Variants in FBXO31 observed in about 807,000 individuals in gnomAD.
The protein encoded by FBXO31 is F-box only protein 31.
FBXO31 carries 24 observed loss-of-function variants against 54.4 expected under a neutral mutation model. The observed-to-expected ratio is 0.44, with a 90% confidence interval of 0.32 to 0.62. The LOEUF (loss-of-function observed/expected upper bound fraction) is 0.62, where lower values mean the gene tolerates loss of function less well. Among genes scored for constraint, FBXO31 ranks in the 20% least tolerant of loss-of-function variants. The pLI is 0.05. For synonymous variants in FBXO31, 388 were observed against 335.6 expected, an observed-to-expected ratio of 1.16 and a Z score of -1.71; for missense variants, 665 against 787.1, an observed-to-expected ratio of 0.84 and a Z score of 1.86.
chr16:87,368,539 C>T (rs1257331935), intron 1 of FBXO31, among the ~76,000 whole-genome samples: 2 of 152,174 alleles, frequency 1.3e-5, no homozygotes, highest in Non-Finnish European at 2.9e-5. Flanking sequence ...CCTGTGCTGC[C>T]TACCCGCTTC....
Position 87,335,201 on chromosome 16 carries a change from G to A in FBXO31, c.996+103C>T, listed in dbSNP as rs1009229731. ...TGCAGGTGCAAGCCCACTCTGAGGA[G>A]CAAGGGTGCCGGGGATCAGTGTCTG... is the stretch of plus-strand genomic sequence containing the variant. On this transcript the variant is annotated intron_variant, in intron 7 of 8. Coordinates refer to ENST00000311635, the MANE Select transcript of FBXO31 (RefSeq NM_024735.5). The surrounding 1 kb of genome is among the most constrained non-coding windows in gnomAD (Gnocchi z 5.7). The A allele has an allele frequency of 3.3e-6, 5 of 1,534,422 alleles. No homozygotes were observed. Among genetic ancestry groups the A allele is most frequent in the Non-Finnish European group, 4.4e-6 (5 of 1,124,752 alleles).
At chr16:87,356,153 C>T (rs1905880891) in intron 2 of FBXO31, among the ~76,000 whole-genome samples, 1 of 150,478 alleles carries the variant, frequency 6.6e-6, no homozygotes. Flanking sequence ...TGCTTGAACC[C>T]GGGAGGCAGA....
At chr16:87,353,819 C>G (rs1293951529) in intron 2 of FBXO31, among the ~76,000 whole-genome samples, 1 of 152,262 alleles carries the variant, frequency 6.6e-6, no homozygotes, top group Non-Finnish European at 1.5e-5. Context: ...CCCCGGACAC[C>G]TTGTCTTGAA....
At chr16:87,364,033 G>C (rs977953392) in intron 1 of FBXO31, among the ~76,000 whole-genome samples, 1 of 152,174 alleles carries the variant, frequency 6.6e-6, no homozygotes, top group Non-Finnish European at 1.5e-5. Context: ...GGCGGGGTGA[G>C]AGCTGCGGCC....
chr16:87,377,673 A>C (rs1906882647), intron 1 of FBXO31, among the ~76,000 whole-genome samples: 1 of 151,588 alleles, frequency 6.6e-6, no homozygotes, highest in African/African-American at 2.4e-5. Flanking sequence ...AAAATAATAC[A>C]AAAAAATTAG....
At chr16:87,374,548 T>C (rs1189928378) in intron 1 of FBXO31, among the ~76,000 whole-genome samples, 5 of 152,222 alleles carry the variant, frequency 3.3e-5, no homozygotes, top group East Asian at 3.8e-4. Context: ...CCCGACTGTC[T>C]GTATAGGAAA....
chr16:87,330,900 G>C lies in FBXO31; in HGVS notation c.*388C>G, dbSNP rs560857165. On this transcript the variant is annotated 3_prime_UTR_variant, in exon 9 of 9. Coordinates refer to ENST00000311635, the MANE Select transcript of FBXO31 (RefSeq NM_024735.5). ...GCACATGCGTCTCACACACGACCCA[G>C]TCTATCACTCTATCCGCTCACAGGA... 18 of 241,686 alleles carry C rather than the reference G, an allele frequency of 7.4e-5. No individual in the cohort carries two copies. The South Asian group carries it at 8.7e-4, about 12-fold the overall frequency. 15.0% of individuals were successfully genotyped at this position (241,686 alleles called of 1,614,324 possible).
chr16:87,339,982 G>A (rs1055268538), intron 5 of FBXO31, among the ~76,000 whole-genome samples: 33 of 152,206 alleles, frequency 2.2e-4, no homozygotes, highest in African/African-American at 6.8e-4. Context: ...AAAACATAGC[G>A]ATAAAACTAC....
In FBXO31 at chr16:87,360,414, G is replaced by A. The variant is rs183025049; in HGVS notation, c.341-48C>T. On this transcript the variant is annotated intron_variant, in intron 1 of 8. Transcript: ENST00000311635. ...AAATTTAAGATCAACAACTCATAAC[G>A]CGACAGACGTGGGCAGGCTGCTGAT... 1.1e-4 allele frequency: 171 copies of A among 1,558,628 alleles called. 1 individual carries two copies. The East Asian group carries it at 1.9e-3, about 18-fold the overall frequency.
chr16:87,333,198 C>T lies in FBXO31; in HGVS notation c.1397+688G>A, dbSNP rs1904923675. On this transcript the variant is annotated intron_variant, in intron 8 of 8. Transcript: ENST00000311635. The stretch of plus-strand genomic sequence containing the variant: ...GACAAAACTGTATAAAAAAAGTCAG[C>T]GAGACAGGAGCTGGCAGCTGTGCAA... 3.3e-5 allele frequency among the ~76,000 whole-genome samples: 5 copies of T among 152,334 alleles called. No homozygotes were observed. The South Asian group carries it at 8.3e-4, about 25-fold the overall frequency.
At chr16:87,385,023 CAAA>C (rs1669082791), upstream of FBXO31, among the ~76,000 whole-genome samples, 61 of 151,248 alleles carry the variant, frequency 4.0e-4, no homozygotes, top group Admixed American at 3.1e-3. Flanking sequence ...AACAAACAAA[CAAA>C]CAAACCACAC....
At position 87,335,591 on chromosome 16, in the gene FBXO31, C is replaced by A; in HGVS notation, c.843-134G>T. On this transcript the variant is annotated intron_variant, in intron 6 of 8. Coordinates refer to ENST00000311635, the MANE Select transcript of FBXO31 (RefSeq NM_024735.5). This position sits in a 1 kb window ranked among gnomAD's most constrained non-coding sequence, Gnocchi z 5.7. ...CAGCTCAACCAGGGCCAGGTGTCCA[C>A]CAGGCCTGTGGGCAGCAATGCGCCC... 9.4e-7 allele frequency: 1 copy of A among 1,068,066 alleles called. No individual in the cohort carries two copies. The allele number at this position is 1,068,066 out of a possible 1,614,324, so 66.2% of individuals were successfully genotyped here.
At chr16:87,344,849 C>T (rs1336022267) in intron 3 of FBXO31, among the ~76,000 whole-genome samples, 1 of 152,120 alleles carries the variant, frequency 6.6e-6, no homozygotes, top group Non-Finnish European at 1.5e-5. Context: ...AGATGAAAAC[C>T]CCACCTGGGG....
At position 87,336,019 on chromosome 16, in the gene FBXO31, C is replaced by T. The variant is rs977937323; in HGVS notation, c.842+136G>A. On this transcript the variant is annotated intron_variant, in intron 6 of 8. Transcript: ENST00000311635. The surrounding 1 kb of genome is among the most constrained non-coding windows in gnomAD (Gnocchi z 6.5). ...GAGAGAGAGGGGCTGTACTCCCAGC[C>T]CCCAGCAGGAGAGAGGGCTGAACCC... 6.1e-6 allele frequency: 4 copies of T among 653,936 alleles called. No homozygotes were observed. Among genetic ancestry groups the T allele is most frequent in the Non-Finnish European group, 1.0e-5 (4 of 382,282 alleles). The allele number at this position is 653,936 out of a possible 1,614,324, so 40.5% of individuals were successfully genotyped here. A position where few individuals can be genotyped will look rare whatever the true frequency, so the allele number is the denominator to read the frequency against.
At chr16:87,350,010 C>T (rs888884247) in intron 2 of FBXO31, among the ~76,000 whole-genome samples, 1 of 152,158 alleles carries the variant, frequency 6.6e-6, no homozygotes, top group Non-Finnish European at 1.5e-5. Context: ...AATCCCATCA[C>T]TCAGAGACCA....
chr16:87,374,531 T>C (rs1282935004), intron 1 of FBXO31, among the ~76,000 whole-genome samples: 2 of 152,206 alleles, frequency 1.3e-5, no homozygotes, highest in Non-Finnish European at 2.9e-5. Flanking sequence ...AGCCGGACAG[T>C]CCTAAGCCCG....
At chr16:87,379,646 G>A (rs982938741) in intron 1 of FBXO31, among the ~76,000 whole-genome samples, 2 of 152,098 alleles carry the variant, frequency 1.3e-5, no homozygotes, top group African/African-American at 4.8e-5. Context: ...CTGTGTCTGA[G>A]TACTCATTTC....
upstream of FBXO31, among the ~76,000 whole-genome samples, chr16:87,391,329 T>C (rs1208962609): frequency 6.6e-6 from 1 of 152,138 alleles, no homozygotes; most frequent in Admixed American, 6.5e-5. Flanking sequence ...AAGAATCTAG[T>C]GCTGTTCCTA....
At chr16:87,378,634 TC>T (rs1906934292) in intron 1 of FBXO31, among the ~76,000 whole-genome samples, 2 of 152,144 alleles carry the variant, frequency 1.3e-5, no homozygotes, top group Non-Finnish European at 2.9e-5. Context: ...GCAACACCAC[TC>T]CTGGATATAA....
Sources: allele counts gnomAD v4.1 joint callset (sites outside exome capture counted in the v4.1 genomes callset), GRCh38; gene constraint gnomAD v4.1.1; non-coding constraint Gnocchi (gnomAD v3.1); transcripts MANE v1.5; gene names NCBI Gene and HGNC (gene_info 2026-07-23, HGNC 2026-07-21).